ANKFN1: variants seen among roughly 807,000 people sequenced by gnomAD.
The protein encoded by ANKFN1 is ankyrin repeat and fibronectin type-III domain-containing protein 1.
ANKFN1 carries 74 observed loss-of-function variants against 108.7 expected under a neutral mutation model. That is an observed-to-expected ratio of 0.68 (90% confidence interval 0.56 to 0.83). The LOEUF (loss-of-function observed/expected upper bound fraction) is 0.83. Among genes scored for constraint, ANKFN1 ranks in the 40% least tolerant of loss-of-function variants. ANKFN1 has a pLI of 0.00. For missense variants in ANKFN1, 1,505 were observed against 1,382.3 expected (o/e 1.09, Z -1.41); for synonymous variants, 547 against 516.2 (o/e 1.06, Z -0.81).
At chr17:56,229,776 T>A (rs1567851877) in intron 3 of ANKFN1, among the ~76,000 whole-genome samples, 1 of 148,654 alleles carries the variant, frequency 6.7e-6, no homozygotes, top group Non-Finnish European at 1.5e-5. Flanking sequence ...CTCAGACACA[T>A]ACAGGGTGCT....
chr17:56,118,683 G>T (rs1190927730), intron 4 of ANKFN1, among the ~76,000 whole-genome samples: 1 of 152,096 alleles, frequency 6.6e-6, no homozygotes, highest in East Asian at 1.9e-4. Flanking sequence ...ATGATAACTT[G>T]TACTGGTGGA....
rs117409638 is a variant in ANKFN1 at position 56,182,981 on chromosome 17, C to T, written c.-71+29451C>T. ...TGACAGCACATCTGTTTACAGCATA[C>T]GGTTTACTGAATATTTTAAGCCCAC... On this transcript the variant is annotated intron_variant, in intron 1 of 20. Transcript: ENST00000682825. Among the ~76,000 whole-genome samples the T allele has an allele frequency of 2.4e-3, 359 of 152,244 alleles. 2 individuals are homozygous for T. The highest frequency in any genetic ancestry group is 0.016 in the Admixed American group (242 of 15,280).
chr17:56,185,857 A>G (rs1364557916), intron 1 of ANKFN1, among the ~76,000 whole-genome samples: 1 of 152,238 alleles, frequency 6.6e-6, no homozygotes, highest in Non-Finnish European at 1.5e-5. Context: ...AAATTCGACC[A>G]GGACTCTGCC....
chr17:56,075,164 T>C (rs1178501757), intron 4 of ANKFN1, among the ~76,000 whole-genome samples: 1 of 152,106 alleles, frequency 6.6e-6, no homozygotes. Context: ...AATAAAACTG[T>C]GGAGTCATGT....
chr17:56,223,652 C>A (rs1916047484), intron 2 of ANKFN1, among the ~76,000 whole-genome samples: 1 of 152,206 alleles, frequency 6.6e-6, no homozygotes, highest in African/African-American at 2.4e-5. Context: ...TCATGAAAAA[C>A]AATCTGATAT....
chr17:56,180,304 G>C (rs1911567565), intron 1 of ANKFN1, among the ~76,000 whole-genome samples: 1 of 152,162 alleles, frequency 6.6e-6, no homozygotes, highest in African/African-American at 2.4e-5. Flanking sequence ...TCTGTTGCTA[G>C]GCGTGTCAGC....
At chr17:56,205,748 T>C (rs1158189315) in intron 1 of ANKFN1, among the ~76,000 whole-genome samples, 1 of 152,218 alleles carries the variant, frequency 6.6e-6, no homozygotes, top group African/African-American at 2.4e-5. Flanking sequence ...CTATAGAGTG[T>C]TAAAATTTCT....
At chr17:56,082,853 G>A (rs1273624953) in intron 4 of ANKFN1, among the ~76,000 whole-genome samples, 1 of 141,372 alleles carries the variant, frequency 7.1e-6, no homozygotes, top group Non-Finnish European at 1.6e-5. Context: ...CATTGCACCT[G>A]TCCCAGTGAG....
chr17:56,338,249 C>A (rs1183864257), intron 4 of ANKFN1, among the ~76,000 whole-genome samples: 1 of 151,864 alleles, frequency 6.6e-6, no homozygotes, highest in East Asian at 1.9e-4. Flanking sequence ...GGGAATTGAA[C>A]AATGAGAACA....
intron 4 of ANKFN1, among the ~76,000 whole-genome samples, chr17:56,065,336 C>T (rs2143121041): frequency 6.6e-6 from 1 of 152,304 alleles, no homozygotes; most frequent in East Asian, 1.9e-4. Context: ...ATGAGTATGA[C>T]TTTCTCCATA....
At chr17:56,387,369 G>C (rs1227182350) in intron 8 of ANKFN1, among the ~76,000 whole-genome samples, 1 of 152,010 alleles carries the variant, frequency 6.6e-6, no homozygotes, top group Non-Finnish European at 1.5e-5. Flanking sequence ...TCACTTATTT[G>C]TAAACAATTT....
intron 8 of ANKFN1, among the ~76,000 whole-genome samples, chr17:56,439,573 T>C (rs1178368772): frequency 6.6e-6 from 1 of 151,916 alleles, no homozygotes; most frequent in African/African-American, 2.4e-5. Context: ...ATTAAACACC[T>C]TAGCCACAAA....
At chr17:56,365,600 G>T (rs1364756422) in intron 6 of ANKFN1, among the ~76,000 whole-genome samples, 1 of 152,150 alleles carries the variant, frequency 6.6e-6, no homozygotes, top group South Asian at 2.1e-4. Context: ...CACGTTGCTT[G>T]CAGTTTGGAA....
intron 1 of ANKFN1, among the ~76,000 whole-genome samples, chr17:56,209,565 A>G (rs772466968): frequency 5.3e-5 from 8 of 152,232 alleles, no homozygotes; most frequent in Non-Finnish European, 1.2e-4. Flanking sequence ...CTCTTTAACC[A>G]TTATCTGAAA....
intron 4 of ANKFN1, among the ~76,000 whole-genome samples, chr17:56,335,308 G>T (rs1250456766): frequency 6.6e-6 from 1 of 152,090 alleles, no homozygotes; most frequent in Non-Finnish European, 1.5e-5. Context: ...ATTACCTTGG[G>T]CAGTATGGCC....
chr17:56,359,818 G>A (rs1224925143), intron 6 of ANKFN1, among the ~76,000 whole-genome samples: 2 of 152,174 alleles, frequency 1.3e-5, no homozygotes, highest in African/African-American at 4.8e-5. Context: ...TACAATCCAA[G>A]CGAATGTTAC....
intron 1 of ANKFN1, among the ~76,000 whole-genome samples, chr17:56,200,553 G>T (rs1243367409): frequency 6.6e-6 from 1 of 152,198 alleles, no homozygotes; most frequent in Non-Finnish European, 1.5e-5. Flanking sequence ...ATTTGAAGAA[G>T]ATGCAGCACG....
rs1429277926 is a variant in ANKFN1, at chr17:56,422,945, G to A, written c.911-17382G>A. ...CAAAGTCCTGGTGCTGCCCTAGGAGGGTGAAAGCAACCATTGGTCCCTGCA... is the reference window on the plus strand; with the variant it reads ...CAAAGTCCTGGTGCTGCCCTAGGAGAGTGAAAGCAACCATTGGTCCCTGCA... On this transcript the variant is annotated intron_variant, in intron 8 of 20. Coordinates refer to ENST00000682825, the MANE Select transcript of ANKFN1 (RefSeq NM_001370326.1). Among the ~76,000 whole-genome samples, 4 of 152,236 alleles carry A rather than the reference G, an allele frequency of 2.6e-5. No homozygotes were observed. The East Asian group carries it at 7.7e-4, about 29-fold the overall frequency.
chr17:56,160,987 A>G (rs1194839701), intron 1 of ANKFN1, among the ~76,000 whole-genome samples: 1 of 152,218 alleles, frequency 6.6e-6, no homozygotes, highest in Admixed American at 6.5e-5. Flanking sequence ...TGAAAAAACC[A>G]GAGGGCTCTT....
Sources: allele counts gnomAD v4.1 joint callset (sites outside exome capture counted in the v4.1 genomes callset), GRCh38; gene constraint gnomAD v4.1.1; transcripts MANE v1.5; gene names NCBI Gene and HGNC (gene_info 2026-07-23, HGNC 2026-07-21).